TMEM232: variants seen among roughly 807,000 people sequenced by gnomAD.
TMEM232 encodes the protein transmembrane protein 232.
TMEM232 carries 80 observed loss-of-function variants against 78.8 expected under a neutral mutation model. The observed-to-expected ratio is 1.01, with a 90% CI of 0.85 to 1.22. TMEM232 has a LOEUF of 1.22. TMEM232 is among the 50% of genes most tolerant of loss of function. The pLI, the probability that TMEM232 is intolerant of heterozygous loss-of-function variation, is 0.00. For missense variants in TMEM232, 881 were observed against 742.2 expected (o/e 1.19, Z -2.17); for synonymous variants, 297 against 254.3 (o/e 1.17, Z -1.60).
chr5:110,411,187 T>C (rs1313357541), intron 2 of TMEM232, among the ~76,000 whole-genome samples: 1 of 152,144 alleles, frequency 6.6e-6, no homozygotes, highest in Non-Finnish European at 1.5e-5. Context: ...GTCTCCCTGA[T>C]GCTCCCAGCT....
intron 12 of TMEM232, among the ~76,000 whole-genome samples, chr5:110,523,966 AG>A (rs1230285778): frequency 0.035 from 1,445 of 41,170 alleles, 45 homozygotes; most frequent in African/African-American, 0.097. Flanking sequence ...AAAAAAAAAA[AG>A]GGGGGGGGGC....
chr5:110,613,470 C>G (rs1429551530), intron 8 of TMEM232, among the ~76,000 whole-genome samples: 1 of 152,080 alleles, frequency 6.6e-6, no homozygotes, highest in East Asian at 1.9e-4. Flanking sequence ...ATTTGTTCAA[C>G]ATTATGTTAC....
At chr5:110,667,568 A>T in intron 1 of TMEM232, 1 of 331,904 alleles carries the variant, frequency 3.0e-6, no homozygotes. Context: ...TTATAAGTAT[A>T]TATATCCAGT....
intron 1 of TMEM232, among the ~76,000 whole-genome samples, chr5:110,686,599 A>G (rs1793438094): frequency 6.6e-6 from 1 of 152,114 alleles, no homozygotes; most frequent in Non-Finnish European, 1.5e-5. Flanking sequence ...CCACTAAGTT[A>G]TAGATAACCA....
At chr5:110,645,306 C>T (rs1268180188) in intron 2 of TMEM232, among the ~76,000 whole-genome samples, 2 of 151,364 alleles carry the variant, frequency 1.3e-5, no homozygotes, top group Non-Finnish European at 3.0e-5. Context: ...CCCTAGTGAA[C>T]GTCAATGCAA....
intron 2 of TMEM232, among the ~76,000 whole-genome samples, chr5:110,659,503 T>C (rs1372004182): frequency 3.3e-5 from 5 of 152,110 alleles, no homozygotes; most frequent in African/African-American, 9.7e-5. Flanking sequence ...TGGAGGAGGA[T>C]GCATTTCTCC....
intron 1 of TMEM232, among the ~76,000 whole-genome samples, chr5:110,711,503 T>C (rs1796474227): frequency 6.6e-6 from 1 of 152,172 alleles, no homozygotes; most frequent in African/African-American, 2.4e-5. Context: ...ATTAACTGAC[T>C]TCAAATTATA....
intron 2 of TMEM232, among the ~76,000 whole-genome samples, chr5:110,663,719 G>T (rs879380616): frequency 1.5e-5 from 2 of 135,456 alleles, no homozygotes; most frequent in Non-Finnish European, 3.3e-5. Flanking sequence ...CTTATAGACT[G>T]GGGAAGGAAA....
intron 5 of TMEM232, chr5:110,629,089 G>C (rs1249540246): frequency 6.6e-6 from 1 of 151,838 alleles, no homozygotes; most frequent in African/African-American, 2.4e-5. Context: ...AGAGACCGAA[G>C]TTAAATGTGA....
chr5:110,430,594 A>C (rs1757722258), intron 12 of TMEM232, among the ~76,000 whole-genome samples: 1 of 151,718 alleles, frequency 6.6e-6, no homozygotes, highest in Non-Finnish European at 1.5e-5. Flanking sequence ...GGTTTCTAAA[A>C]ATATGTTTTT....
Position 110,460,027 on chromosome 5 carries a change from G to A in TMEM232, c.1704-35111C>T, listed in dbSNP as rs543818153. 4.6e-5 allele frequency among the ~76,000 whole-genome samples: 7 copies of A among 152,260 alleles called. No individual in the cohort carries two copies. In the South Asian group the frequency reaches 1.5e-3, roughly 32 times the overall value. ...CAAACAAATGAGACAAAGGTGACAT[G>A]ACAATCAATTGCAGTGTGTGATCCT... On this transcript the variant is annotated intron_variant, in intron 12 of 13. Coordinates refer to ENST00000455884, the MANE Select transcript of TMEM232 (RefSeq NM_001039763.4).
intron 1 of TMEM232, among the ~76,000 whole-genome samples, chr5:110,671,449 G>C (rs566984853): frequency 6.6e-6 from 1 of 152,098 alleles, no homozygotes. Context: ...ACATGCACAC[G>C]TATGTTTACT....
intron 12 of TMEM232, among the ~76,000 whole-genome samples, chr5:110,464,303 GT>G: frequency 6.6e-6 from 1 of 152,200 alleles, no homozygotes; most frequent in Non-Finnish European, 1.5e-5. Context: ...ACAAAATAAA[GT>G]CTTGTATTGT....
chr5:110,674,295 G>C (rs1213198890), intron 1 of TMEM232, among the ~76,000 whole-genome samples: 2 of 152,108 alleles, frequency 1.3e-5, no homozygotes, highest in African/African-American at 4.8e-5. Flanking sequence ...GATAAATGTA[G>C]TAATAAATGT....
intron 11 of TMEM232, among the ~76,000 whole-genome samples, chr5:110,565,400 G>A (rs1453902435): frequency 2.6e-5 from 4 of 151,924 alleles, no homozygotes; most frequent in South Asian, 4.1e-4. Context: ...ATACTCTGTG[G>A]TAGAACAGCC....
At chr5:110,523,338 A>G (rs979312309) in intron 12 of TMEM232, among the ~76,000 whole-genome samples, 2 of 151,180 alleles carry the variant, frequency 1.3e-5, no homozygotes, top group Non-Finnish European at 2.9e-5. Flanking sequence ...TAAAAAAACT[A>G]ACTTTTGACT....
At chr5:110,587,863 T>C (rs944710540) in intron 10 of TMEM232, among the ~76,000 whole-genome samples, 4 of 150,458 alleles carry the variant, frequency 2.7e-5, no homozygotes, top group African/African-American at 5.0e-5. Context: ...ATGTATATAA[T>C]ATGATCAGTG....
At chr5:110,521,896 G>T (rs1160685213) in intron 12 of TMEM232, among the ~76,000 whole-genome samples, 2 of 152,102 alleles carry the variant, frequency 1.3e-5, no homozygotes, top group Admixed American at 1.3e-4. Context: ...AAAGTGTGAT[G>T]CCTACAGGTA....
At chr5:110,731,855 G>A (rs1049466808) in intron 2 of TMEM232, among the ~76,000 whole-genome samples, 1 of 152,278 alleles carries the variant, frequency 6.6e-6, no homozygotes, top group Middle Eastern at 3.4e-3. Context: ...GCAAATTTCT[G>A]TGGCCAGCTT....
Sources: gnomAD v4.1 joint callset for allele counts (sites outside exome capture counted in the v4.1 genomes callset) on GRCh38, gnomAD v4.1.1 for gene constraint, MANE v1.5 for transcripts, NCBI Gene and HGNC (gene_info 2026-07-23, HGNC 2026-07-21) for gene names.